COL16A1: variants seen among roughly 807,000 people sequenced by gnomAD.
COL16A1 encodes the protein collagen alpha-1(XVI) chain.
In COL16A1, 189 loss-of-function variants were observed where a neutral mutation model predicts 266.3. The observed-to-expected ratio is 0.71, with a 90% CI of 0.63 to 0.80. The LOEUF is 0.80. Ranked by LOEUF, COL16A1 falls within the 30% of genes least tolerant of loss-of-function variation. COL16A1 has a pLI of 0.00. For synonymous variants in COL16A1, 740 were observed against 782.3 expected (o/e 0.95, Z 0.90); for missense variants, 1,928 against 2,122.4 (o/e 0.91, Z 1.80).
intron 42 of COL16A1, among the ~76,000 whole-genome samples, chr1:31,675,726 T>C (rs1643128442): frequency 6.6e-6 from 1 of 152,094 alleles, no homozygotes; most frequent in African/African-American, 2.4e-5. Context: ...TGCAATGGCA[T>C]AATTATAGCT....
chr1:31,681,039 C>A lies in COL16A1; in HGVS notation c.2567G>T (p.Gly856Val). ...TGTACTCACTGGTGTTCCTCTGAGT[C>A]CCGTCTGTCCTTGCTGCCCATCACG... is the stretch of plus-strand genomic sequence containing the variant. ...PGRDGQQGQT[G>V]LRGTPGEKGP... The change falls in exon 38 of 71, where the codon GGA becomes GTA. Residue 856 changes from glycine (G) to valine (V), a missense_variant. Transcript: ENST00000373672. The A allele has an allele frequency of 6.2e-7, 1 of 1,613,592 alleles. No individual in the cohort carries two copies. Among genetic ancestry groups the A allele is most frequent in the Non-Finnish European group, 8.5e-7 (1 of 1,179,792 alleles).
Position 31,683,832 on chromosome 1 carries a change from C to T in COL16A1, c.2338-84G>A, listed in dbSNP as rs1643826604. ...TCCCCAGCCCCTTCTCCTCCAGCTT[C>T]TTCCTGCCCTGCACCCTGCCTCCAT... On this transcript the variant is annotated intron_variant, in intron 33 of 70. Transcript: ENST00000373672. 5.0e-6 allele frequency: 8 copies of T among 1,608,194 alleles called. No individual in the cohort carries two copies. The Admixed American group carries it at 8.5e-5, about 17-fold the overall frequency.
In COL16A1 at chr1:31,653,861, A is replaced by T; in HGVS notation, c.4534+6T>A. 1 of 1,608,098 alleles carries T rather than the reference A, an allele frequency of 6.2e-7. No homozygotes were observed. The highest frequency in any genetic ancestry group is 8.5e-7 in the Non-Finnish European group (1 of 1,176,156). ...GTGTCCCTTGGGAACTGTAGGGCAG[A>T]GCTACCTCTTACTCCTGGCAAGCCC... On this transcript the variant is annotated splice_donor_region_variant and intron_variant, in intron 69 of 70. Transcript: ENST00000373672.
rs1279087012 is a variant in COL16A1, at chr1:31,660,499, T to C, written c.3879+86A>G. The C allele has an allele frequency of 2.1e-5, 32 of 1,553,664 alleles. No homozygotes were observed. The East Asian group carries it at 4.9e-4, about 24-fold the overall frequency. On this transcript the variant is annotated intron_variant, in intron 62 of 70. Coordinates refer to ENST00000373672, the MANE Select transcript of COL16A1 (RefSeq NM_001856.4). ...GGGGCAGCCCCTATGGCAAGTTCTC[T>C]CAGGTCATGACAGCCTATGCACCAC...
chr1:31,699,804 T>C lies in COL16A1; in HGVS notation c.266+9A>G, dbSNP rs1293365921. 6.5e-7 allele frequency: 1 copy of C among 1,533,068 alleles called. No individual in the cohort carries two copies. Among genetic ancestry groups the C allele is most frequent in the Admixed American group, 1.7e-5 (1 of 59,814 alleles). The allele number at this position is 1,533,068 out of a possible 1,614,324, so 95.0% of individuals were successfully genotyped here. ...TGTTGATTCTCAGTGGTCACATGGA[T>C]GCATTTACCGCGTGGGCTGGGTCAC... is the stretch of plus-strand genomic sequence containing the variant. On this transcript the variant is annotated intron_variant, in intron 4 of 70. Coordinates refer to ENST00000373672, the MANE Select transcript of COL16A1 (RefSeq NM_001856.4).
In COL16A1 at chr1:31,684,803, C is replaced by T. The variant is rs764867066; in HGVS notation, c.2052+18G>A. 36 of 1,613,998 alleles carry T rather than the reference C, an allele frequency of 2.2e-5. No homozygotes were observed. The highest frequency in any genetic ancestry group is 2.7e-5 in the Non-Finnish European group (32 of 1,180,028). ...GATGATGCCATGCCCACCCCCGTGC[C>T]CACGGACGCCCTCTCACCTTCTGCC... On this transcript the variant is annotated intron_variant, in intron 30 of 70. Coordinates refer to ENST00000373672, the MANE Select transcript of COL16A1 (RefSeq NM_001856.4).
chr1:31,697,053 G>C lies in COL16A1; in HGVS notation c.774C>G (p.Thr258=), dbSNP rs748112379. 5 of 1,614,176 alleles carry C rather than the reference G, an allele frequency of 3.1e-6. No homozygotes were observed. The highest frequency in any genetic ancestry group is 4.2e-6 in the Non-Finnish European group (5 of 1,180,028). Residue 258 remains threonine, a synonymous_variant, in exon 8 of 71, where the codon ACC becomes ACG. Transcript: ENST00000373672. This position sits in a 1 kb window ranked among gnomAD's most constrained non-coding sequence, Gnocchi z 4.2. ...PPETSKARRD[T]QSNELIEINP... ...TGATCTCAATGAGCTCATTGCTCTG[G>C]GTGTCCCGGCGGGCCTTGGAGGTCT...
In COL16A1 at chr1:31,679,818, G is replaced by A; in HGVS notation, c.2704C>T (p.Gln902Ter). The change falls in exon 41 of 71, where the codon CAG (glutamine) becomes TAG (stop). Residue 902 changes from glutamine (Q) to a stop codon, truncating the protein, a stop_gained. Coordinates refer to ENST00000373672, the MANE Select transcript of COL16A1 (RefSeq NM_001856.4). LOFTEE classifies it high-confidence loss of function. Reference sequence around the variant, plus strand: ...AAGCGACACACCTGCGGGCCCGGCTGCCAGGAGCTGCCCATCCAAAGTCCC... The same window carrying A: ...AAGCGACACACCTGCGGGCCCGGCTACCAGGAGCTGCCCATCCAAAGTCCC... ...APGLWMGSSW[Q>*]PGPQGPPGIP... is the part of the protein sequence containing the mutation. 1.9e-6 allele frequency: 3 copies of A among 1,544,966 alleles called. No individual in the cohort carries two copies. The highest frequency in any genetic ancestry group is 1.7e-6 in the Non-Finnish European group (2 of 1,148,104).
In COL16A1 at chr1:31,652,558, A is replaced by C; in HGVS notation, c.*93T>G. On this transcript the variant is annotated 3_prime_UTR_variant, in exon 71 of 71. Transcript: ENST00000373672. The surrounding 1 kb of genome is among the most constrained non-coding windows in gnomAD (Gnocchi z 4.8). ...ACAGCAATTAAAAACAACAACAACA[A>C]CAAAAAAAACATTCACAACCTGTCA... is the stretch of plus-strand genomic sequence containing the variant. 1 of 1,188,838 alleles carries C rather than the reference A, an allele frequency of 8.4e-7. No homozygotes were observed. Among genetic ancestry groups the C allele is most frequent in the Admixed American group, 3.1e-5 (1 of 31,960 alleles). The allele number at this position is 1,188,838 out of a possible 1,614,324, so 73.6% of individuals were successfully genotyped here.
intron 42 of COL16A1, among the ~76,000 whole-genome samples, chr1:31,676,917 A>T (rs777353577): frequency 2.6e-5 from 4 of 152,178 alleles, no homozygotes; most frequent in Non-Finnish European, 4.4e-5. Context: ...CAGCAATGGA[A>T]CATATCACCA....
Position 31,698,954 on chromosome 1 carries a change from G to T in COL16A1, c.267-348C>A, listed in dbSNP as rs868722049. 6.6e-6 allele frequency among the ~76,000 whole-genome samples: 1 copy of T among 152,136 alleles called. No individual in the cohort carries two copies. The highest frequency in any genetic ancestry group is 1.5e-5 in the Non-Finnish European group (1 of 68,026). On this transcript the variant is annotated intron_variant, in intron 4 of 70. Coordinates refer to ENST00000373672, the MANE Select transcript of COL16A1 (RefSeq NM_001856.4). The surrounding 1 kb of genome is among the most constrained non-coding windows in gnomAD (Gnocchi z 4.1). The stretch of plus-strand genomic sequence containing the variant: ...ACTAAAAATACAAAAAATTCGCCAG[G>T]TGTAGTGGCAGGCGCCTGTAATCCC...
chr1:31,667,187 C>T (rs1642212378), intron 52 of COL16A1, among the ~76,000 whole-genome samples: 1 of 152,244 alleles, frequency 6.6e-6, no homozygotes, highest in Non-Finnish European at 1.5e-5. Flanking sequence ...CTGGGTGAGT[C>T]TCAGCTTTGT....
chr1:31,697,977 G>C lies in COL16A1; in HGVS notation c.586C>G (p.Pro196Ala). 1 of 1,613,482 alleles carries C rather than the reference G, an allele frequency of 6.2e-7. No homozygotes were observed. The change falls in exon 6 of 71, where the codon CCC (proline) becomes GCC (alanine). Residue 196 changes from proline (P) to alanine (A), a missense_variant. By Grantham distance (27) the Pro-to-Ala change is conservative. This residue lies in a region of COL16A1 where 1,552 missense variants were observed against 1,637.2 expected (regional missense o/e 0.95). Transcript: ENST00000373672. The surrounding 1 kb of genome is among the most constrained non-coding windows in gnomAD (Gnocchi z 4.2). The stretch of plus-strand genomic sequence containing the variant: ...CCCACAGGCCTCATGGGTCGTCGGG[G>C]CCCCAGAGGCTGGGAGGAGGCTGAG... ...CSSASSQPLGPRRPMRPVGHV... is the reference protein window; with the variant it reads ...CSSASSQPLGARRPMRPVGHV...
intron 70 of COL16A1, among the ~76,000 whole-genome samples, 192 bp from the exon 71 acceptor site, chr1:31,653,045 C>G (rs1302783470): frequency 2.6e-5 from 4 of 152,240 alleles, no homozygotes; most frequent in African/African-American, 4.8e-5. Context: ...TTATTTAGAA[C>G]TTCCATGTGC....
rs772965367 is a variant in COL16A1, at chr1:31,672,831, C to T, written c.2869G>A (p.Gly957Arg). The change falls in exon 45 of 71, where the codon GGG becomes AGG. Residue 957 changes from glycine to arginine, a missense_variant. This residue lies in a region of COL16A1 where 1,552 missense variants were observed against 1,637.2 expected (regional missense o/e 0.95). Coordinates refer to ENST00000373672, the MANE Select transcript of COL16A1 (RefSeq NM_001856.4). ...GCCCTCTGCCCCTGGACACAGTCCC[C>T]GCAGATACTCTGATCAGGGAGTGGG... ...IEQHLLKSIC[G>R]DCVQGQRAHP... 31 of 1,613,870 alleles carry T rather than the reference C, an allele frequency of 1.9e-5. No individual in the cohort carries two copies. Among genetic ancestry groups the T allele is most frequent in the Non-Finnish European group, 2.2e-5 (26 of 1,179,852 alleles).
chr1:31,679,778 C>A, intron 41 of COL16A1, 26 bp downstream of exon 41: 2 of 1,582,682 alleles, frequency 1.3e-6, no homozygotes, highest in South Asian at 1.2e-5. Context: ...GGGGCGCTGG[C>A]GGACAAGAGG....
In COL16A1 at chr1:31,700,074, C is replaced by T. The variant is rs1644669677; in HGVS notation, c.115G>A (p.Glu39Lys). ...PPSQQEGLKL[E>K]HSSSLPANVT... ...TTGGCTGGCAGGCTACTACTGTGTT[C>T]CAATTTGAGTCCTTCCTGCTGTGAA... Residue 39 changes from glutamate to lysine, a missense_variant, in exon 3 of 71, where the codon GAA becomes AAA. By Grantham distance (56) the Glu-to-Lys change is moderately conservative. This residue lies in a region of COL16A1 where 1,552 missense variants were observed against 1,637.2 expected (regional missense o/e 0.95). Transcript: ENST00000373672. 1 of 1,614,140 alleles carries T rather than the reference C, an allele frequency of 6.2e-7. No individual in the cohort carries two copies. The highest frequency in any genetic ancestry group is 1.7e-5 in the Admixed American group (1 of 60,028).
At chr1:31,671,038 C>T (rs1039538354) in intron 48 of COL16A1, among the ~76,000 whole-genome samples, 7 of 152,254 alleles carry the variant, frequency 4.6e-5, no homozygotes, top group Non-Finnish European at 8.8e-5. Context: ...CCATTTTCTT[C>T]TCCAGAGAAA....
At chr1:31,674,913 T>C in intron 44 of COL16A1, 94 bp downstream of exon 44, 1 of 1,548,204 alleles carries the variant, frequency 6.5e-7, no homozygotes, top group Non-Finnish European at 8.8e-7. Context: ...TGCTGCTCTC[T>C]CTGCGAGGTG....
Sources: gnomAD v4.1 joint callset for allele counts (sites outside exome capture counted in the v4.1 genomes callset) on GRCh38, gnomAD v4.1.1 for gene constraint, gnomAD v4.1.1 regional missense constraint, Gnocchi (gnomAD v3.1) non-coding constraint, MANE v1.5 for transcripts, NCBI Gene and HGNC (gene_info 2026-07-23, HGNC 2026-07-21) for gene names.